Variants in CSMD3 observed in about 807,000 individuals in gnomAD.
CSMD3 encodes CUB and Sushi multiple domains 3.
In CSMD3, 177 loss-of-function variants were observed where a neutral mutation model predicts 435.2. The observed-to-expected ratio is 0.41, with a 90% CI of 0.36 to 0.46. The LOEUF (loss-of-function observed/expected upper bound fraction) is 0.46. Among genes scored for constraint, CSMD3 ranks in the 20% least tolerant of loss-of-function variants. CSMD3 has a pLI of 0.34. For missense variants in CSMD3, 4,265 were observed against 4,504.6 expected (o/e 0.95, Z 1.52); for synonymous variants, 1,656 against 1,520.5 (o/e 1.09, Z -2.07).
Position 112,948,371 on chromosome 8 carries a change from C to A in CSMD3, c.1421-494G>T, listed in dbSNP as rs889344707. 2.0e-5 allele frequency among the ~76,000 whole-genome samples: 3 copies of A among 152,128 alleles called. No individual in the cohort carries two copies. The South Asian group carries it at 6.2e-4, about 32-fold the overall frequency. The stretch of plus-strand genomic sequence containing the variant: ...ATGATAAAGCAATTTGATCTGCCAG[C>A]ATTAAAATACAGCAGTGGTGCAAAT... On this transcript the variant is annotated intron_variant, in intron 8 of 70. Transcript: ENST00000297405.
rs1291831675 is a variant in CSMD3, at chr8:112,352,513, G to A, written c.6158C>T (p.Pro2053Leu). The change falls in exon 39 of 71, where the codon CCT becomes CTT. Residue 2053 changes from proline (P) to leucine (L), a missense_variant. Pro to Leu is a moderately conservative substitution (Grantham distance 98). Transcript: ENST00000297405. Reference protein sequence around the residue: ...EYTAIGLDSCPEPQTPSSGIK... With the variant: ...EYTAIGLDSCLEPQTPSSGIK... ...TCCACTGCTAGGAGTTTGTGGTTCAGGACAGGAATCCAAACCAATTGCTAA... is the reference window on the plus strand; with the variant it reads ...TCCACTGCTAGGAGTTTGTGGTTCAAGACAGGAATCCAAACCAATTGCTAA... 1 of 1,613,290 alleles carries A rather than the reference G, an allele frequency of 6.2e-7. No individual in the cohort carries two copies.
At chr8:113,424,275 G>GT in intron 1 of CSMD3, among the ~76,000 whole-genome samples, 1 of 151,670 alleles carries the variant, frequency 6.6e-6, no homozygotes, top group Middle Eastern at 3.4e-3. Flanking sequence ...TGAAATGACA[G>GT]TATTTTCCCC....
chr8:112,695,729 C>G (rs1205954065), intron 13 of CSMD3, among the ~76,000 whole-genome samples: 1 of 152,116 alleles, frequency 6.6e-6, no homozygotes, highest in East Asian at 1.9e-4. Flanking sequence ...AAGTTCTGGC[C>G]AGGGCAATCA....
At chr8:113,427,882 T>G (rs1392645661) in intron 1 of CSMD3, among the ~76,000 whole-genome samples, 1 of 151,616 alleles carries the variant, frequency 6.6e-6, no homozygotes, top group Non-Finnish European at 1.5e-5. Flanking sequence ...TATGATACAA[T>G]TTTATCATTT....
intron 10 of CSMD3, among the ~76,000 whole-genome samples, chr8:112,878,590 C>T (rs2130164545): frequency 6.6e-6 from 1 of 152,248 alleles, no homozygotes; most frequent in African/African-American, 2.4e-5. Context: ...GATTATAAAT[C>T]ATTCTACTAT....
At chr8:112,891,754 A>G (rs926843509) in intron 10 of CSMD3, among the ~76,000 whole-genome samples, 2 of 151,632 alleles carry the variant, frequency 1.3e-5, no homozygotes, top group Admixed American at 6.6e-5. Flanking sequence ...TGTTTTATAC[A>G]TTAGGAAACT....
chr8:112,701,231 G>A (rs905354794), intron 13 of CSMD3, among the ~76,000 whole-genome samples: 2 of 152,116 alleles, frequency 1.3e-5, no homozygotes, highest in Non-Finnish European at 2.9e-5. Context: ...ATCTTAAGGT[G>A]GAAACATGGA....
intron 24 of CSMD3, among the ~76,000 whole-genome samples, chr8:112,563,452 C>A (rs1828811328): frequency 1.3e-5 from 2 of 148,450 alleles, no homozygotes; most frequent in Admixed American, 6.8e-5. Flanking sequence ...ATATAAAGTT[C>A]TTACTAGAAA....
chr8:112,915,716 C>T (rs1040439773), intron 10 of CSMD3, among the ~76,000 whole-genome samples: 2 of 151,742 alleles, frequency 1.3e-5, no homozygotes, highest in African/African-American at 2.4e-5. Context: ...AGCAGTTTTA[C>T]AATCAATAAC....
chr8:113,355,450 G>A (rs1021801422), intron 1 of CSMD3, among the ~76,000 whole-genome samples: 1 of 151,940 alleles, frequency 6.6e-6, no homozygotes, highest in Non-Finnish European at 1.5e-5. Flanking sequence ...AGTGTCTGGT[G>A]AGGGCCACTT....
chr8:112,319,973 G>GTTGA lies in CSMD3; in HGVS notation c.7170_7173dup (p.Leu2392SerfsTer15). 1.2e-6 allele frequency: 2 copies of GTTGA among 1,608,976 alleles called. No individual in the cohort carries two copies. The highest frequency in any genetic ancestry group is 1.7e-6 in the Non-Finnish European group (2 of 1,175,692). On this transcript the variant is annotated frameshift_variant, in exon 46 of 71. Coordinates refer to ENST00000297405, the MANE Select transcript of CSMD3 (RefSeq NM_198123.2). LOFTEE classifies it high-confidence loss of function. ...GGTGGTGGAGGTTGGCACACCCTTAGTTGATAGGCTACAAAAATAAACAAA... is the reference window on the plus strand; with the variant it reads ...GGTGGTGGAGGTTGGCACACCCTTAGTTGATTGATAGGCTACAAAAATAAACAAA...
intron 1 of CSMD3, among the ~76,000 whole-genome samples, chr8:113,339,022 C>T (rs1210425986): frequency 3.3e-5 from 5 of 151,828 alleles, no homozygotes; most frequent in African/African-American, 1.2e-4. Flanking sequence ...GACTCTGAAG[C>T]CAGACATTCT....
rs140748091 is a variant in CSMD3, at chr8:112,301,902, A to G, written c.8331T>C (p.Tyr2777=). ...NGNKIGTQTS[Y]GSTAIFTCDL... ...CGCAGGTAAAGATAGCTGTTGAGCC[A>G]TATGAAGTTTGAGTTCCAATCTTAT... The change falls in exon 53 of 71, where the codon TAT becomes TAC. Residue 2777 remains tyrosine (Y), a synonymous_variant. Coordinates refer to ENST00000297405, the MANE Select transcript of CSMD3 (RefSeq NM_198123.2). The G allele has an allele frequency of 3.7e-6, 6 of 1,613,156 alleles. No homozygotes were observed. Among genetic ancestry groups the G allele is most frequent in the Non-Finnish European group, 4.2e-6 (5 of 1,179,280 alleles).
intron 4 of CSMD3, among the ~76,000 whole-genome samples, chr8:113,160,608 C>CT (rs1312865580): frequency 6.7e-6 from 1 of 149,638 alleles, no homozygotes; most frequent in African/African-American, 2.4e-5. Context: ...TCCCCAGGAC[C>CT]TTTGAGTCCA....
chr8:112,406,029 A>G (rs1053005072), intron 35 of CSMD3, among the ~76,000 whole-genome samples: 1 of 152,146 alleles, frequency 6.6e-6, no homozygotes, highest in African/African-American at 2.4e-5. Flanking sequence ...CTTAAAGAGT[A>G]TAATTGGATT....
At chr8:113,329,904 T>C (rs1286892133) in intron 1 of CSMD3, among the ~76,000 whole-genome samples, 1 of 152,038 alleles carries the variant, frequency 6.6e-6, no homozygotes, top group Non-Finnish European at 1.5e-5. Context: ...ACTGCTAAAA[T>C]GCATCACTAT....
At chr8:112,350,274 CTTTT>C (rs201171217) in intron 40 of CSMD3, among the ~76,000 whole-genome samples, 8 of 121,230 alleles carry the variant, frequency 6.6e-5, no homozygotes, top group Admixed American at 2.6e-4. Flanking sequence ...AAGTCATGGA[CTTTT>C]TTTTTTTTTT....
intron 13 of CSMD3, among the ~76,000 whole-genome samples, chr8:112,768,944 C>T (rs2078045977): frequency 6.6e-6 from 1 of 151,860 alleles, no homozygotes; most frequent in Non-Finnish European, 1.5e-5. Context: ...TCTGTGGCAA[C>T]CTCAATGTTC....
At chr8:113,394,622 T>A (rs1429115682) in intron 1 of CSMD3, among the ~76,000 whole-genome samples, 2 of 152,152 alleles carry the variant, frequency 1.3e-5, no homozygotes, top group Non-Finnish European at 2.9e-5. Context: ...AGGAAAATTA[T>A]AAGACAATTC....
Sources: allele counts gnomAD v4.1 joint callset (sites outside exome capture counted in the v4.1 genomes callset), GRCh38; gene constraint gnomAD v4.1.1; transcripts MANE v1.5; gene names NCBI Gene and HGNC (gene_info 2026-07-23, HGNC 2026-07-21).